Variants in MIXL1 observed in about 807,000 individuals in gnomAD.
The protein encoded by MIXL1 is Mix paired-like homeobox.
Under a neutral mutation model 9.3 loss-of-function variants are expected in MIXL1, and 9 were observed. The observed-to-expected ratio is 0.97, with a 90% CI of 0.58 to 1.69. The LOEUF is 1.69. Ranked by LOEUF, MIXL1 falls within the 40% of genes most tolerant of loss-of-function variation. MIXL1 has a pLI of 0.00. For synonymous variants in MIXL1, 164 were observed against 155.6 expected, an observed-to-expected ratio of 1.05 and a Z score of -0.40; for missense variants, 330 against 331.7, an observed-to-expected ratio of 0.99 and a Z score of 0.04.
chr1:226,224,200 C>A (rs1266586111), intron 1 of MIXL1, 126 bp downstream of exon 1: 1 of 880,910 alleles, frequency 1.1e-6, no homozygotes, highest in Middle Eastern at 3.7e-4. Flanking sequence ...TGAGGCTCTG[C>A]GTACTAGACT....
At position 226,223,859 on chromosome 1, in the gene MIXL1, C is replaced by T; in HGVS notation, c.178C>T (p.Pro60Ser). ...ATFAGFLGRD[P>S]GPAPPPPASL... ...CTTTGCGGGCTTCCTCGGCCGGGAC[C>T]CCGGGCCGGCCCCGCCGCCCCCCGC... The change falls in exon 1 of 2, where the codon CCC becomes TCC. Residue 60 changes from proline (P) to serine (S), a missense_variant. Coordinates refer to ENST00000366810, the MANE Select transcript of MIXL1 (RefSeq NM_031944.3). 1.7e-6 allele frequency: 2 copies of T among 1,195,200 alleles called. No homozygotes were observed. The highest frequency in any genetic ancestry group is 2.1e-6 in the Non-Finnish European group (2 of 966,318). 74.0% of individuals were successfully genotyped at this position (1,195,200 alleles called of 1,614,324 possible).
At position 226,223,823 on chromosome 1, in the gene MIXL1, G is replaced by A. The variant is rs1325934429; in HGVS notation, c.142G>A (p.Gly48Ser). 1.6e-6 allele frequency: 2 copies of A among 1,215,256 alleles called. No individual in the cohort carries two copies. The highest frequency in any genetic ancestry group is 3.2e-5 in the African/African-American group (2 of 62,814). 75.3% of individuals were successfully genotyped at this position (1,215,256 alleles called of 1,614,324 possible). A position where few individuals can be genotyped will look rare whatever the true frequency, so the allele number is the denominator to read the frequency against. ...ALLPAPPAGPGPATFAGFLGR... is the reference protein window; with the variant it reads ...ALLPAPPAGPSPATFAGFLGR... ...GCTCCCTGCGCCGCCCGCGGGCCCC[G>A]GCCCAGCGACCTTTGCGGGCTTCCT... Residue 48 changes from glycine (G) to serine (S), a missense_variant, in exon 1 of 2, where the codon GGC becomes AGC. Physicochemically the swap from Gly to Ser is moderately conservative, Grantham distance 56 (BLOSUM62 0). Coordinates refer to ENST00000366810, the MANE Select transcript of MIXL1 (RefSeq NM_031944.3).
At chr1:226,224,492 C>T (rs955050990) in intron 1 of MIXL1, among the ~76,000 whole-genome samples, 5 of 152,086 alleles carry the variant, frequency 3.3e-5, no homozygotes, top group African/African-American at 9.7e-5. Flanking sequence ...AAGGCTGGCT[C>T]GCCAAGTTAC....
At chr1:226,225,015 G>C (rs1474301684) in intron 1 of MIXL1, among the ~76,000 whole-genome samples, 1 of 152,088 alleles carries the variant, frequency 6.6e-6, no homozygotes, top group East Asian at 1.9e-4. Context: ...GTAGCCCCGT[G>C]GTCGGTGTCC....
rs944705201 is a variant in MIXL1, at chr1:226,225,948, A to C, written c.*136A>C. 101 of 756,298 alleles carry C rather than the reference A, an allele frequency of 1.3e-4. No individual in the cohort carries two copies. Among genetic ancestry groups the C allele is most frequent in the Middle Eastern group, 6.3e-4 (2 of 3,158 alleles). The allele number at this position is 756,298 out of a possible 1,614,324, so 46.8% of individuals were successfully genotyped here. ...TAACCTTGATGATGGTTTTGACAGC[A>C]CCTCTCACATTTGAAGGTACCCCGC... On this transcript the variant is annotated 3_prime_UTR_variant, in exon 2 of 2. Transcript: ENST00000366810.
At position 226,226,153 on chromosome 1, in the gene MIXL1, C is replaced by T. The variant is rs1450601158; in HGVS notation, c.*341C>T. Reference sequence around the variant, plus strand: ...ACTCATTATTTTCTTCACAAGAATGCCTCAGCTTGACTCAGTTTCCCCTTG... The same window carrying T: ...ACTCATTATTTTCTTCACAAGAATGTCTCAGCTTGACTCAGTTTCCCCTTG... On this transcript the variant is annotated 3_prime_UTR_variant, in exon 2 of 2. Coordinates refer to ENST00000366810, the MANE Select transcript of MIXL1 (RefSeq NM_031944.3). The T allele has an allele frequency of 1.5e-5, 3 of 202,252 alleles. No individual in the cohort carries two copies. The highest frequency in any genetic ancestry group is 3.0e-5 in the Non-Finnish European group (3 of 99,586). 12.5% of individuals were successfully genotyped at this position (202,252 alleles called of 1,614,324 possible).
Position 226,223,850 on chromosome 1 carries a change from G to A in MIXL1, c.169G>A (p.Gly57Ser). 8.4e-7 allele frequency: 1 copy of A among 1,196,990 alleles called. No homozygotes were observed. The allele number at this position is 1,196,990 out of a possible 1,614,324, so 74.1% of individuals were successfully genotyped here. A position where few individuals can be genotyped will look rare whatever the true frequency, so the allele number is the denominator to read the frequency against. The change falls in exon 1 of 2, where the codon GGC becomes AGC. Residue 57 changes from glycine (G) to serine (S), a missense_variant. Coordinates refer to ENST00000366810, the MANE Select transcript of MIXL1 (RefSeq NM_031944.3). ...PGPATFAGFL[G>S]RDPGPAPPPP... ...CCCAGCGACCTTTGCGGGCTTCCTC[G>A]GCCGGGACCCCGGGCCGGCCCCGCC...
In MIXL1 at chr1:226,224,031, A is replaced by G; in HGVS notation, c.350A>G (p.Glu117Gly). ...RTRYPDIHLR[E>G]RLAALTLLPE... ...CGGTACCCCGACATCCACTTGCGCG[A>G]GCGCCTGGCCGCGCTCACCCTGCTC... is the stretch of plus-strand genomic sequence containing the variant. The change falls in exon 1 of 2, where the codon GAG becomes GGG. Residue 117 changes from glutamate (E) to glycine (G), a missense_variant. Physicochemically the swap from Glu to Gly is moderately conservative, Grantham distance 98. Transcript: ENST00000366810. 7.1e-7 allele frequency: 1 copy of G among 1,413,510 alleles called. No individual in the cohort carries two copies. The highest frequency in any genetic ancestry group is 9.3e-7 in the Non-Finnish European group (1 of 1,070,910). The allele number at this position is 1,413,510 out of a possible 1,614,324, so 87.6% of individuals were successfully genotyped here.
intron 1 of MIXL1, 113 bp from the exon 2 acceptor site, chr1:226,225,394 T>C (rs537791606): frequency 8.1e-7 from 1 of 1,238,240 alleles, no homozygotes; most frequent in East Asian, 2.3e-5. Flanking sequence ...GACAAGGCTC[T>C]GGAGAGGAAG....
chr1:226,225,538 G>C lies in MIXL1; in HGVS notation c.425G>C (p.Arg142Pro). ...TTCCAGAACAGGCGTGCCAAGTCTCGGCGTCAGAGTGGGAAATCCTTCCAA... is the reference window on the plus strand; with the variant it reads ...TTCCAGAACAGGCGTGCCAAGTCTCCGCGTCAGAGTGGGAAATCCTTCCAA... ...VWFQNRRAKS[R>P]RQSGKSFQPL... is the part of the protein sequence containing the mutation. Residue 142 changes from arginine (R) to proline (P), a missense_variant, in exon 2 of 2, where the codon CGG becomes CCG. Transcript: ENST00000366810. 2 of 1,614,152 alleles carry C rather than the reference G, an allele frequency of 1.2e-6. No individual in the cohort carries two copies. The highest frequency in any genetic ancestry group is 1.7e-6 in the Non-Finnish European group (2 of 1,180,032).
intron 1 of MIXL1, among the ~76,000 whole-genome samples, 178 bp downstream of exon 1, chr1:226,224,252 G>A (rs1018159034): frequency 1.3e-5 from 2 of 152,226 alleles, no homozygotes; most frequent in African/African-American, 4.8e-5. Flanking sequence ...TAGGGTGGTT[G>A]CGAGGCCTGT....
At chr1:226,225,169 A>G (rs915094962) in intron 1 of MIXL1, among the ~76,000 whole-genome samples, 10 of 152,236 alleles carry the variant, frequency 6.6e-5, no homozygotes, top group Non-Finnish European at 1.3e-4. Context: ...AAGGGAGTGC[A>G]GACCTTAAAA....
At chr1:226,224,788 AG>A (rs1657118925) in intron 1 of MIXL1, among the ~76,000 whole-genome samples, 1 of 152,054 alleles carries the variant, frequency 6.6e-6, no homozygotes, top group Non-Finnish European at 1.5e-5. Context: ...TACAGGCGCC[AG>A]CCACCACGCC....
rs1657082356 is a variant in MIXL1, at chr1:226,223,903, G to A, written c.222G>A (p.Ala74=). Residue 74 remains alanine (A), a synonymous_variant, in exon 1 of 2, where the codon GCG becomes GCA. Coordinates refer to ENST00000366810, the MANE Select transcript of MIXL1 (RefSeq NM_031944.3). ...PPPPASLGSP[A]PPKGAAAPSA... is the part of the protein sequence containing the mutation. Reference sequence around the variant, plus strand: ...CCCCCGCCAGCCTGGGCTCGCCTGCGCCCCCCAAAGGCGCGGCCGCCCCGT... The same window carrying A: ...CCCCCGCCAGCCTGGGCTCGCCTGCACCCCCCAAAGGCGCGGCCGCCCCGT... 3.1e-6 allele frequency: 4 copies of A among 1,291,984 alleles called. 1 individual carries two copies. In the South Asian group the frequency reaches 7.8e-5, roughly 25 times the overall value. 80.0% of individuals were successfully genotyped at this position (1,291,984 alleles called of 1,614,324 possible).
Position 226,224,055 on chromosome 1 carries a change from T to TC in MIXL1, c.378dup (p.Glu127ArgfsTer28). On this transcript the variant is annotated frameshift_variant, in exon 1 of 2. Transcript: ENST00000366810. LOFTEE classifies it low-confidence loss of function (END_TRUNC). ...GAGCGCCTGGCCGCGCTCACCCTGCTCCCCGAGTCCAGGATCCAGGTGAGG... is the reference window on the plus strand; with the variant it reads ...GAGCGCCTGGCCGCGCTCACCCTGCTCCCCCGAGTCCAGGATCCAGGTGAGG... The TC allele has an allele frequency of 7.4e-7, 1 of 1,360,158 alleles. No individual in the cohort carries two copies. The highest frequency in any genetic ancestry group is 9.6e-7 in the Non-Finnish European group (1 of 1,045,252). 84.3% of individuals were successfully genotyped at this position (1,360,158 alleles called of 1,614,324 possible). A position where few individuals can be genotyped will look rare whatever the true frequency, so the allele number is the denominator to read the frequency against.
chr1:226,227,043 C>T lies in MIXL1; in HGVS notation c.*1231C>T, dbSNP rs1657180113. On this transcript the variant is annotated 3_prime_UTR_variant, in exon 2 of 2. Coordinates refer to ENST00000366810, the MANE Select transcript of MIXL1 (RefSeq NM_031944.3). ...GCAAGTTTTGTGGATTATTAAATGTCTTTCACAAATGTTCCAATGTAATTT... is the reference window on the plus strand; with the variant it reads ...GCAAGTTTTGTGGATTATTAAATGTTTTTCACAAATGTTCCAATGTAATTT... 1 of 152,170 alleles carries T rather than the reference C, an allele frequency of 6.6e-6. No homozygotes were observed. Among genetic ancestry groups the T allele is most frequent in the South Asian group, 2.1e-4 (1 of 4,832 alleles). The allele number at this position is 152,170 out of a possible 1,614,324, so 9.4% of individuals were successfully genotyped here.
Position 226,223,896 on chromosome 1 carries a change from C to T in MIXL1, c.215C>T (p.Ser72Leu). The T allele has an allele frequency of 7.9e-7, 1 of 1,272,714 alleles. No homozygotes were observed. Among genetic ancestry groups the T allele is most frequent in the South Asian group, 2.9e-5 (1 of 34,940 alleles). The allele number at this position is 1,272,714 out of a possible 1,614,324, so 78.8% of individuals were successfully genotyped here. A position where few individuals can be genotyped will look rare whatever the true frequency, so the allele number is the denominator to read the frequency against. The stretch of plus-strand genomic sequence containing the variant: ...CCGCCGCCCCCCGCCAGCCTGGGCT[C>T]GCCTGCGCCCCCCAAAGGCGCGGCC... ...PAPPPPASLG[S>L]PAPPKGAAAP... The change falls in exon 1 of 2, where the codon TCG becomes TTG. Residue 72 changes from serine (S) to leucine (L), a missense_variant. Physicochemically the swap from Ser to Leu is moderately radical, Grantham distance 145. Transcript: ENST00000366810.
chr1:226,223,781 A>G lies in MIXL1; in HGVS notation c.100A>G (p.Ser34Gly). The G allele has an allele frequency of 7.2e-7, 1 of 1,390,408 alleles. No individual in the cohort carries two copies. The highest frequency in any genetic ancestry group is 9.3e-7 in the Non-Finnish European group (1 of 1,074,542). The allele number at this position is 1,390,408 out of a possible 1,614,324, so 86.1% of individuals were successfully genotyped here. The change falls in exon 1 of 2, where the codon AGC (serine) becomes GGC (glycine). Residue 34 changes from serine (S) to glycine (G), a missense_variant. Ser to Gly is a moderately conservative substitution (Grantham distance 56). Transcript: ENST00000366810. The part of the protein sequence containing the change: ...HAGGALLPPP[S>G]PAAALLPAPP... ...CGGCGGGGCGCTCCTGCCGCCCCCG[A>G]GCCCTGCGGCAGCCCTGCTCCCTGC...
rs1657090120 is a variant in MIXL1, at chr1:226,224,055, T to A, written c.374T>A (p.Leu125His). ...LRERLAALTL[L>H]PESRIQVWFQ... ...GAGCGCCTGGCCGCGCTCACCCTGC[T>A]CCCCGAGTCCAGGATCCAGGTGAGG... is the stretch of plus-strand genomic sequence containing the variant. The change falls in exon 1 of 2, where the codon CTC becomes CAC. Residue 125 changes from leucine (L) to histidine (H), a missense_variant. Coordinates refer to ENST00000366810, the MANE Select transcript of MIXL1 (RefSeq NM_031944.3). The A allele has an allele frequency of 2.2e-6, 3 of 1,360,042 alleles. No individual in the cohort carries two copies. The South Asian group carries it at 6.2e-5, about 28-fold the overall frequency. The allele number at this position is 1,360,042 out of a possible 1,614,324, so 84.2% of individuals were successfully genotyped here.
Sources: allele counts gnomAD v4.1 joint callset (sites outside exome capture counted in the v4.1 genomes callset), GRCh38; gene constraint gnomAD v4.1.1; transcripts MANE v1.5; gene names NCBI Gene and HGNC (gene_info 2026-07-23, HGNC 2026-07-21).